Variants in CSMD1 observed in about 807,000 individuals in gnomAD.
CSMD1 encodes CUB and Sushi multiple domains 1.
In CSMD1, 213 loss-of-function variants were observed where a neutral mutation model predicts 417.5. That is an observed-to-expected ratio of 0.51 (90% confidence interval 0.46 to 0.57). The LOEUF is 0.57. CSMD1 is among the 20% of genes least tolerant of loss of function. The pLI is 0.00. For missense variants in CSMD1, 6,923 were observed against 4,529.7 expected, an observed-to-expected ratio of 1.53 and a Z score of -15.17; for synonymous variants, 2,862 against 1,736.8, an observed-to-expected ratio of 1.65 and a Z score of -16.11.
chr8:4,577,412 G>T, intron 2 of CSMD1, among the ~76,000 whole-genome samples: 1 of 152,254 alleles, frequency 6.6e-6, no homozygotes, highest in Admixed American at 6.5e-5. Flanking sequence ...TCGGGGAAAT[G>T]TTCTTGGACA....
chr8:3,178,559 C>A (rs1053579718), intron 37 of CSMD1, among the ~76,000 whole-genome samples: 13 of 152,128 alleles, frequency 8.5e-5, no homozygotes, highest in African/African-American at 3.1e-4. Context: ...CCTCTGCATG[C>A]CATCTGTTAT....
At chr8:3,716,536 T>C in intron 6 of CSMD1, among the ~76,000 whole-genome samples, 1 of 152,186 alleles carries the variant, frequency 6.6e-6, no homozygotes, top group Non-Finnish European at 1.5e-5. Context: ...GCAGTGAGGA[T>C]GGCCAGAGTC....
chr8:4,424,458 C>A (rs1797430128), intron 2 of CSMD1, among the ~76,000 whole-genome samples: 1 of 151,874 alleles, frequency 6.6e-6, no homozygotes, highest in Admixed American at 6.6e-5. Context: ...CAATAGACAT[C>A]AGAGGAATGC....
chr8:3,816,301 G>C (rs556018894), intron 5 of CSMD1, among the ~76,000 whole-genome samples: 1 of 152,270 alleles, frequency 6.6e-6, no homozygotes, highest in South Asian at 2.1e-4. Flanking sequence ...ATTCTCTGCA[G>C]TTTCCCTTGC....
At chr8:4,637,947 G>A (rs1309656190) in intron 1 of CSMD1, among the ~76,000 whole-genome samples, 2 of 152,086 alleles carry the variant, frequency 1.3e-5, no homozygotes, top group Non-Finnish European at 2.9e-5. Context: ...TGGGATTACA[G>A]GCGTGAGCCA....
At chr8:3,803,170 C>G (rs922745) in intron 5 of CSMD1, among the ~76,000 whole-genome samples, 104,247 of 151,972 alleles carry the variant, frequency 0.69, 36,366 homozygotes, top group Middle Eastern at 0.78. Context: ...ATGCTGAAAG[C>G]AATATAAAAT....
At chr8:3,467,802 T>G (rs192782816) in intron 12 of CSMD1, among the ~76,000 whole-genome samples, 2 of 152,368 alleles carry the variant, frequency 1.3e-5, no homozygotes, top group Admixed American at 6.5e-5. Context: ...TGCTTTTTTA[T>G]TATCTCCTTC....
At chr8:4,280,544 A>C (rs1032817949) in intron 3 of CSMD1, among the ~76,000 whole-genome samples, 5 of 152,246 alleles carry the variant, frequency 3.3e-5, no homozygotes, top group Non-Finnish European at 5.9e-5. Context: ...CCACATTTGC[A>C]TATCAACACT....
intron 5 of CSMD1, among the ~76,000 whole-genome samples, chr8:3,825,545 G>A (rs973835177): frequency 2.0e-5 from 3 of 151,474 alleles, no homozygotes; most frequent in Non-Finnish European, 4.4e-5. Flanking sequence ...GGCAGGTTCA[G>A]GGGTGTGGGG....
At chr8:3,434,858 G>C (rs1563385385) in intron 12 of CSMD1, among the ~76,000 whole-genome samples, 1 of 152,130 alleles carries the variant, frequency 6.6e-6, no homozygotes, top group Non-Finnish European at 1.5e-5. Context: ...ACTCAAATCG[G>C]AAAATTAAAA....
intron 55 of CSMD1, among the ~76,000 whole-genome samples, chr8:2,978,081 C>T (rs1563200466): frequency 2.0e-5 from 3 of 152,166 alleles, no homozygotes; most frequent in Non-Finnish European, 4.4e-5. Context: ...TGGGTATATA[C>T]TCAAAGGATA....
At chr8:3,244,302 A>C (rs932101583) in intron 26 of CSMD1, among the ~76,000 whole-genome samples, 2 of 152,124 alleles carry the variant, frequency 1.3e-5, no homozygotes, top group Non-Finnish European at 2.9e-5. Context: ...TGTTCACTGG[A>C]GTCAGGCTGC....
intron 2 of CSMD1, among the ~76,000 whole-genome samples, chr8:4,454,564 T>TGTGGTTTC (rs1799355193): frequency 1.3e-5 from 2 of 152,074 alleles, no homozygotes; most frequent in African/African-American, 4.8e-5. Context: ...TTGCACAGAG[T>TGTGGTTTC]AGACCCAATG....
At chr8:4,436,366 AT>A (rs1425942819) in intron 2 of CSMD1, among the ~76,000 whole-genome samples, 2 of 152,122 alleles carry the variant, frequency 1.3e-5, no homozygotes, top group Non-Finnish European at 2.9e-5. Context: ...TAATTGCCTG[AT>A]TTATACATCA....
At chr8:4,294,842 T>C (rs189739497) in intron 3 of CSMD1, among the ~76,000 whole-genome samples, 195 of 152,088 alleles carry the variant, frequency 1.3e-3, no homozygotes, top group African/African-American at 4.5e-3. Flanking sequence ...GTAACTTTCC[T>C]AAAATAATTC....
At chr8:3,526,913 T>A (rs1262415988) in intron 10 of CSMD1, among the ~76,000 whole-genome samples, 1 of 152,170 alleles carries the variant, frequency 6.6e-6, no homozygotes, top group Admixed American at 6.5e-5. Context: ...ATTCCTTTCA[T>A]CTAATGGTGT....
chr8:4,870,662 CAG>C (rs1802685162), intron 1 of CSMD1, among the ~76,000 whole-genome samples: 1 of 152,088 alleles, frequency 6.6e-6, no homozygotes. Context: ...AATGGAGAAA[CAG>C]AGTACAGAAG....
intron 3 of CSMD1, among the ~76,000 whole-genome samples, chr8:4,305,422 G>C (rs961543252): frequency 6.6e-6 from 1 of 152,120 alleles, no homozygotes; most frequent in African/African-American, 2.4e-5. Context: ...AAGTGAAAGG[G>C]ATAATCGACT....
intron 10 of CSMD1, among the ~76,000 whole-genome samples, chr8:3,553,862 C>T (rs117615943): frequency 0.013 from 1,967 of 152,120 alleles, 19 homozygotes; most frequent in East Asian, 0.062. Context: ...CACACATATG[C>T]CAAACACGTA....
Sources: gnomAD v4.1 joint callset for allele counts (sites outside exome capture counted in the v4.1 genomes callset) on GRCh38, gnomAD v4.1.1 for gene constraint, MANE v1.5 for transcripts, NCBI Gene and HGNC (gene_info 2026-07-23, HGNC 2026-07-21) for gene names.